Variants in CCBE1 observed in about 807,000 individuals in gnomAD.
CCBE1 encodes the protein collagen and calcium binding EGF domains 1, also known as collagen and calcium-binding EGF domain-containing protein 1.
CCBE1 carries 37 observed loss-of-function variants against 50.0 expected under a neutral mutation model. The ratio of observed to expected loss-of-function variants is 0.74; its 90% CI spans 0.57 to 0.97. CCBE1 has a LOEUF of 0.97. CCBE1 is among the 50% of genes least tolerant of loss of function. The pLI, the probability that CCBE1 is intolerant of heterozygous loss-of-function variation, is 0.00. For missense variants in CCBE1, 538 were observed against 523.8 expected (o/e 1.03, Z -0.26); for synonymous variants, 234 against 203.7 (o/e 1.15, Z -1.27).
chr18:59,600,356 A>T (rs1363720481), intron 2 of CCBE1, among the ~76,000 whole-genome samples: 1 of 152,038 alleles, frequency 6.6e-6, no homozygotes, highest in African/African-American at 2.4e-5. Flanking sequence ...ATCTAGTTGC[A>T]GGAAAACAAG....
intron 2 of CCBE1, among the ~76,000 whole-genome samples, chr18:59,509,312 A>T (rs1465015435): frequency 7.4e-6 from 1 of 134,768 alleles, no homozygotes; most frequent in Admixed American, 9.5e-5. Context: ...AATAAAAATC[A>T]TATATATACA....
intron 2 of CCBE1, among the ~76,000 whole-genome samples, chr18:59,695,890 A>G (rs1292665493): frequency 6.6e-6 from 1 of 152,184 alleles, no homozygotes; most frequent in Non-Finnish European, 1.5e-5. Context: ...AGAGCACTGG[A>G]ACAGAACCAA....
chr18:59,518,818 G>T (rs924533875), intron 2 of CCBE1, among the ~76,000 whole-genome samples: 1 of 152,152 alleles, frequency 6.6e-6, no homozygotes, highest in Non-Finnish European at 1.5e-5. Flanking sequence ...CTGCACACCC[G>T]CTGGCAGCCT....
intron 2 of CCBE1, among the ~76,000 whole-genome samples, chr18:59,693,076 G>A (rs1221533248): frequency 2.6e-5 from 4 of 151,960 alleles, no homozygotes; most frequent in African/African-American, 7.3e-5. Context: ...CAGTTGGAGC[G>A]AGCATACCCT....
intron 2 of CCBE1, among the ~76,000 whole-genome samples, chr18:59,642,781 C>T (rs566362058): frequency 1.3e-5 from 2 of 151,824 alleles, no homozygotes; most frequent in African/African-American, 4.8e-5. Context: ...AACCCCATCT[C>T]TACTAAAAAT....
At chr18:59,600,080 T>C (rs1421033706) in intron 2 of CCBE1, among the ~76,000 whole-genome samples, 1 of 151,998 alleles carries the variant, frequency 6.6e-6, no homozygotes, top group Non-Finnish European at 1.5e-5. Flanking sequence ...TCAGAAAAAA[T>C]ATTAGATATT....
chr18:59,621,039 T>A (rs758144543), intron 2 of CCBE1, among the ~76,000 whole-genome samples: 3 of 152,142 alleles, frequency 2.0e-5, no homozygotes, highest in Non-Finnish European at 4.4e-5. Flanking sequence ...GTGAATGGCA[T>A]CTGAAGTTGT....
At position 59,696,466 on chromosome 18, in the gene CCBE1, A is replaced by G. The variant is rs182184947; in HGVS notation, c.212+163T>C. The G allele has an allele frequency of 2.7e-5, 40 of 1,495,358 alleles. No individual in the cohort carries two copies. The African/African-American group carries it at 5.3e-4, about 20-fold the overall frequency. The allele number at this position is 1,495,358 out of a possible 1,614,324, so 92.6% of individuals were successfully genotyped here. A position where few individuals can be genotyped will look rare whatever the true frequency, so the allele number is the denominator to read the frequency against. ...TCAGTGTTGCTCTGACTCCGATCCA[A>G]CCAACCCTCAAAGATTCGCACCGCG... On this transcript the variant is annotated intron_variant, in intron 2 of 10. Coordinates refer to ENST00000439986, the MANE Select transcript of CCBE1 (RefSeq NM_133459.4).
chr18:59,463,784 G>C (rs1911608915), intron 5 of CCBE1, among the ~76,000 whole-genome samples: 1 of 152,166 alleles, frequency 6.6e-6, no homozygotes, highest in South Asian at 2.1e-4. Context: ...CATAAGCCTT[G>C]GTTGCTGGAG....
intron 2 of CCBE1, among the ~76,000 whole-genome samples, chr18:59,546,399 C>T (rs929525565): frequency 1.3e-5 from 2 of 152,158 alleles, no homozygotes; most frequent in Non-Finnish European, 2.9e-5. Flanking sequence ...TCTTTCTGGT[C>T]AACAGTGAAT....
intron 6 of CCBE1, among the ~76,000 whole-genome samples, chr18:59,449,085 T>TC (rs1026762884): frequency 3.3e-5 from 5 of 152,166 alleles, no homozygotes; most frequent in African/African-American, 1.2e-4. Flanking sequence ...ATCATCTGCT[T>TC]CCAACTAAGA....
At chr18:59,631,129 C>T (rs1276399956) in intron 2 of CCBE1, among the ~76,000 whole-genome samples, 1 of 152,092 alleles carries the variant, frequency 6.6e-6, no homozygotes, top group Non-Finnish European at 1.5e-5. Context: ...ATACAACTTA[C>T]TTGCCCACTC....
chr18:59,606,140 T>C (rs1327402739), intron 2 of CCBE1, among the ~76,000 whole-genome samples: 3 of 152,216 alleles, frequency 2.0e-5, no homozygotes, highest in South Asian at 2.1e-4. Context: ...TTCTTAACTG[T>C]CCATTCATTG....
chr18:59,516,230 A>AT (rs1268062919), intron 2 of CCBE1, among the ~76,000 whole-genome samples: 1 of 151,260 alleles, frequency 6.6e-6, no homozygotes, highest in African/African-American at 2.4e-5. Flanking sequence ...AAGTGCTGGG[A>AT]TTACAGTTTG....
intron 5 of CCBE1, among the ~76,000 whole-genome samples, chr18:59,459,956 T>C (rs138624089): frequency 1.3e-5 from 2 of 152,320 alleles, no homozygotes; most frequent in East Asian, 3.9e-4. Context: ...CACTGACCTG[T>C]AATAAGTGAT....
At chr18:59,614,686 C>CT (rs2053615790) in intron 2 of CCBE1, among the ~76,000 whole-genome samples, 1 of 152,226 alleles carries the variant, frequency 6.6e-6, no homozygotes, top group Non-Finnish European at 1.5e-5. Flanking sequence ...AATTCACTTC[C>CT]TTCAAGCCTA....
intron 5 of CCBE1, among the ~76,000 whole-genome samples, chr18:59,459,704 TTG>T (rs1357994486): frequency 6.6e-6 from 1 of 152,216 alleles, no homozygotes; most frequent in Non-Finnish European, 1.5e-5. Context: ...CAAAGCATGT[TTG>T]TGTTTAAAAG....
intron 2 of CCBE1, among the ~76,000 whole-genome samples, chr18:59,538,243 CA>C (rs1412173125): frequency 6.6e-5 from 10 of 152,290 alleles, no homozygotes; most frequent in Admixed American, 6.5e-4. Flanking sequence ...CAATGTATCC[CA>C]AACTTCAAAG....
intron 2 of CCBE1, among the ~76,000 whole-genome samples, chr18:59,543,834 C>CAAAAAA (rs10678902): frequency 5.9e-4 from 41 of 68,948 alleles, no homozygotes; most frequent in African/African-American, 7.2e-4. Flanking sequence ...GACTCCGTCT[C>CAAAAAA]AAAAAAAAAA....
Sources: allele counts gnomAD v4.1 joint callset (sites outside exome capture counted in the v4.1 genomes callset), GRCh38; gene constraint gnomAD v4.1.1; transcripts MANE v1.5; gene names NCBI Gene and HGNC (gene_info 2026-07-23, HGNC 2026-07-21).